The following PRLR variants were observed in gnomAD, a reference collection of about 807,000 sequenced individuals.
The protein encoded by PRLR is hPRL receptor.
A neutral mutation model predicts 40.2 loss-of-function variants in PRLR; 13 were observed. The ratio of observed to expected loss-of-function variants is 0.32; its 90% CI spans 0.21 to 0.51. The LOEUF (loss-of-function observed/expected upper bound fraction) is 0.51, where lower values mean the gene tolerates loss of function less well. PRLR is among the 20% of genes least tolerant of loss of function. PRLR has a pLI of 0.97. For missense variants in PRLR, 656 were observed against 747.3 expected (o/e 0.88, Z 1.42); for synonymous variants, 269 against 278.7 (o/e 0.97, Z 0.35).
chr5:35,178,304 G>A (rs1222770290), intron 1 of PRLR, among the ~76,000 whole-genome samples: 1 of 152,246 alleles, frequency 6.6e-6, no homozygotes. Context: ...GCTCTTAGGA[G>A]CTGAGTATAC....
rs1292597871 is a variant in PRLR at position 35,059,329 on chromosome 5, TGA to T, written c.*5758_*5759del. 1.3e-5 allele frequency: 2 copies of T among 152,188 alleles called. No homozygotes were observed. Among genetic ancestry groups the T allele is most frequent in the African/African-American group, 4.8e-5 (2 of 41,452 alleles). The allele number at this position is 152,188 out of a possible 1,614,324, so 9.4% of individuals were successfully genotyped here. A position where few individuals can be genotyped will look rare whatever the true frequency, so the allele number is the denominator to read the frequency against. On this transcript the variant is annotated 3_prime_UTR_variant, in exon 10 of 10. Transcript: ENST00000618457. ...TAAACAGGATAGGTTTTTCCTATTTTGAGACTTTACATGTCTCAGTACTTTCT... is the reference window on the plus strand; with the variant it reads ...TAAACAGGATAGGTTTTTCCTATTTTGACTTTACATGTCTCAGTACTTTCT...
intron 9 of PRLR, among the ~76,000 whole-genome samples, chr5:35,066,590 C>T (rs1049251808): frequency 6.6e-6 from 1 of 151,136 alleles, no homozygotes; most frequent in African/African-American, 2.4e-5. Context: ...CCCTTCCCTT[C>T]TCCTCCCTCT....
intron 1 of PRLR, among the ~76,000 whole-genome samples, chr5:35,168,126 C>T (rs1238696684): frequency 6.6e-6 from 1 of 151,830 alleles, no homozygotes; most frequent in East Asian, 1.9e-4. Flanking sequence ...TAAAAAGTGA[C>T]ATGTCATAAT....
chr5:35,159,574 A>G (rs1458902351), intron 1 of PRLR, among the ~76,000 whole-genome samples: 1 of 152,180 alleles, frequency 6.6e-6, no homozygotes. Flanking sequence ...CAAACAAACC[A>G]GGCCTATCCA....
chr5:35,052,703 G>A (rs1019243313), downstream of PRLR, among the ~76,000 whole-genome samples: 1 of 152,178 alleles, frequency 6.6e-6, no homozygotes, highest in African/African-American at 2.4e-5. Flanking sequence ...TTGTTTGACT[G>A]TAGGTCATAA....
chr5:35,085,381 C>T (rs967591341), intron 4 of PRLR, among the ~76,000 whole-genome samples: 2 of 152,234 alleles, frequency 1.3e-5, no homozygotes, highest in African/African-American at 2.4e-5. Context: ...GGCCAGCTGT[C>T]TCTACCAGCA....
chr5:35,119,363 T>C (rs1221083033), intron 1 of PRLR, among the ~76,000 whole-genome samples: 1 of 150,100 alleles, frequency 6.7e-6, no homozygotes, highest in Non-Finnish European at 1.5e-5. Context: ...CCTCATGCCA[T>C]TGACAACCTC....
chr5:35,130,535 G>A (rs1177683811), intron 1 of PRLR, among the ~76,000 whole-genome samples: 4 of 152,180 alleles, frequency 2.6e-5, no homozygotes, highest in South Asian at 2.1e-4. Context: ...CACAGAACTC[G>A]AGTTGTGATC....
At chr5:35,076,832 C>T (rs1770134180) in intron 5 of PRLR, among the ~76,000 whole-genome samples, 1 of 152,244 alleles carries the variant, frequency 6.6e-6, no homozygotes, top group Non-Finnish European at 1.5e-5. Context: ...GCCCATCAGA[C>T]TAACAGTGGA....
In PRLR at chr5:35,061,291, G is replaced by T. The variant is rs1237359471; in HGVS notation, c.*3798C>A. The stretch of plus-strand genomic sequence containing the variant: ...GAGATAGGGAAGTTGCTAAAGGCAG[G>T]GCCAAGTCTTTCTGCAAATGATGGG... On this transcript the variant is annotated 3_prime_UTR_variant, in exon 10 of 10. Transcript: ENST00000618457. 6.6e-6 allele frequency: 1 copy of T among 152,078 alleles called. No individual in the cohort carries two copies. Among genetic ancestry groups the T allele is most frequent in the Non-Finnish European group, 1.5e-5 (1 of 68,026 alleles). 9.4% of individuals were successfully genotyped at this position (152,078 alleles called of 1,614,324 possible). A position where few individuals can be genotyped will look rare whatever the true frequency, so the allele number is the denominator to read the frequency against.
chr5:35,070,353 C>T, intron 6 of PRLR, 88 bp from the exon 7 acceptor site: 1 of 1,404,574 alleles, frequency 7.1e-7, no homozygotes, highest in Non-Finnish European at 9.9e-7. Context: ...CTAAGTTAGG[C>T]TGAACAATCA....
At chr5:35,081,668 C>G (rs1770527902) in intron 5 of PRLR, among the ~76,000 whole-genome samples, 1 of 152,034 alleles carries the variant, frequency 6.6e-6, no homozygotes, top group Non-Finnish European at 1.5e-5. Context: ...TATAGTGATC[C>G]CCTTTTTTGT....
At chr5:35,220,229 T>C (rs1323278033) in intron 1 of PRLR, among the ~76,000 whole-genome samples, 1 of 152,200 alleles carries the variant, frequency 6.6e-6, no homozygotes, top group East Asian at 1.9e-4. Flanking sequence ...CTCCATCCCA[T>C]GACCTCGGGC....
At chr5:35,100,289 T>C in intron 2 of PRLR, among the ~76,000 whole-genome samples, 1 of 151,226 alleles carries the variant, frequency 6.6e-6, no homozygotes, top group East Asian at 1.9e-4. Flanking sequence ...TTAAAAAAAA[T>C]TTGGTGTAGC....
chr5:35,218,586 C>T (rs1283004474), intron 1 of PRLR, among the ~76,000 whole-genome samples: 4 of 152,098 alleles, frequency 2.6e-5, no homozygotes, highest in African/African-American at 4.8e-5. Flanking sequence ...GTTACTTTCA[C>T]GCTAGTTATT....
At chr5:35,154,313 G>C (rs1442763042) in intron 1 of PRLR, among the ~76,000 whole-genome samples, 4 of 152,144 alleles carry the variant, frequency 2.6e-5, no homozygotes, top group African/African-American at 9.7e-5. Context: ...GAAACTCTTG[G>C]AGGCTCTGAA....
At chr5:35,070,292 T>C in intron 6 of PRLR, 27 bp from the exon 7 acceptor site, 1 of 1,609,520 alleles carries the variant, frequency 6.2e-7, no homozygotes, top group Non-Finnish European at 8.5e-7. Context: ...AAAACAGAAG[T>C]CAATTCTAAC....
At chr5:35,181,266 A>G (rs192758406) in intron 1 of PRLR, among the ~76,000 whole-genome samples, 12 of 152,304 alleles carry the variant, frequency 7.9e-5, no homozygotes, top group African/African-American at 2.9e-4. Context: ...TATCAGAATC[A>G]TGCTTAATAA....
chr5:35,049,542 C>T, intron 8 of PRLR: 1 of 598,010 alleles, frequency 1.7e-6, no homozygotes. Context: ...GTTAAACAAA[C>T]TCAAGCCTAG....
Sources: gnomAD v4.1 joint callset for allele counts (sites outside exome capture counted in the v4.1 genomes callset) on GRCh38, gnomAD v4.1.1 for gene constraint, MANE v1.5 for transcripts, NCBI Gene and HGNC (gene_info 2026-07-23, HGNC 2026-07-21) for gene names.